PWWP3A: variants seen among roughly 807,000 people sequenced by gnomAD.
PWWP3A encodes the protein PWWP domain-containing DNA repair factor 3A.
PWWP3A carries 53 observed loss-of-function variants against 79.0 expected under a neutral mutation model. The ratio of observed to expected loss-of-function variants is 0.67; its 90% CI spans 0.54 to 0.84. The LOEUF (loss-of-function observed/expected upper bound fraction) is 0.84. Among genes scored for constraint, PWWP3A ranks in the 40% least tolerant of loss-of-function variants. PWWP3A has a pLI of 0.00. For synonymous variants in PWWP3A, 443 were observed against 394.4 expected (o/e 1.12, Z -1.46); for missense variants, 973 against 948.0 (o/e 1.03, Z -0.35).
rs1431978944 is a variant in PWWP3A, at chr19:1,372,159, A to G, written c.1987-913A>G. ...AGTGTGTGTCTCTAAAAGGAGGGTG[A>G]TTCTGCCCCCTGGGGGACACTGGCA... On this transcript the variant is annotated intron_variant, in intron 12 of 13. Transcript: ENST00000591337. 2.6e-5 allele frequency: 4 copies of G among 152,180 alleles called. No homozygotes were observed. In the East Asian group the frequency reaches 7.7e-4, roughly 29 times the overall value. The allele number at this position is 152,180 out of a possible 1,614,324, so 9.4% of individuals were successfully genotyped here. A position where few individuals can be genotyped will look rare whatever the true frequency, so the allele number is the denominator to read the frequency against.
Position 1,360,778 on chromosome 19 carries a change from CT to C in PWWP3A, c.858del (p.Glu287SerfsTer51). ...GGCAGCCTCACTGCGCCCCCAGCCC[CT>C]GAGCCCTCGGCCTGCTCAGAGCCTG... ...PLGSLTAPPA[P>X]EPSACSEPGE... On this transcript the variant is annotated frameshift_variant, in exon 5 of 14. Transcript: ENST00000591337. LOFTEE classifies it high-confidence loss of function. This position sits in a 1 kb window ranked among gnomAD's most constrained non-coding sequence, Gnocchi z 4.4. 6.2e-7 allele frequency: 1 copy of C among 1,609,532 alleles called. No homozygotes were observed. The highest frequency in any genetic ancestry group is 8.5e-7 in the Non-Finnish European group (1 of 1,178,078).
At chr19:1,374,559 G>A (rs1303675944) in intron 13 of PWWP3A, among the ~76,000 whole-genome samples, 4 of 152,080 alleles carry the variant, frequency 2.6e-5, no homozygotes, top group African/African-American at 9.7e-5. Flanking sequence ...CTGGTGCTGC[G>A]GCCGGTGTGC....
At chr19:1,376,477 A>T in intron 13 of PWWP3A, 42 bp from the exon 14 acceptor site, 2 of 1,600,386 alleles carry the variant, frequency 1.2e-6, no homozygotes, top group South Asian at 1.1e-5. Flanking sequence ...TCTTTAACAC[A>T]CAATGATTAA....
intron 7 of PWWP3A, 147 bp from the exon 8 acceptor site, chr19:1,366,158 A>G (rs1046265392): frequency 2.3e-5 from 17 of 752,858 alleles, no homozygotes; most frequent in Non-Finnish European, 2.9e-5. Context: ...GCCGTTTCTC[A>G]GCGCCTCCTT....
In PWWP3A at chr19:1,367,314, G is replaced by T. The variant is rs1426481949; in HGVS notation, c.1422+94G>T. ...TGTAGCTCTTGAAATCCATGGCTGC[G>T]GTGTACGCGTGTGAATGATTGTGGG... On this transcript the variant is annotated intron_variant, in intron 9 of 13. Coordinates refer to ENST00000591337, the MANE Select transcript of PWWP3A (RefSeq NM_001369789.1). 3 of 1,078,128 alleles carry T rather than the reference G, an allele frequency of 2.8e-6. No homozygotes were observed. In the African/African-American group the frequency reaches 4.7e-5, roughly 17 times the overall value. The allele number at this position is 1,078,128 out of a possible 1,614,324, so 66.8% of individuals were successfully genotyped here. A position where few individuals can be genotyped will look rare whatever the true frequency, so the allele number is the denominator to read the frequency against.
chr19:1,361,150 A>G, intron 5 of PWWP3A, 118 bp downstream of exon 5: 1 of 1,037,894 alleles, frequency 9.6e-7, no homozygotes, highest in South Asian at 2.9e-5. Context: ...TCGTTGCCAA[A>G]ATAGACTTAG....
chr19:1,366,838 A>G (rs1004717052), intron 8 of PWWP3A, among the ~76,000 whole-genome samples: 7 of 152,372 alleles, frequency 4.6e-5, no homozygotes, highest in African/African-American at 1.7e-4. Flanking sequence ...ATCGCATTGC[A>G]TATCCCCAAG....
intron 1 of PWWP3A, 79 bp from the exon 2 acceptor site, chr19:1,356,245 C>A: frequency 7.0e-6 from 5 of 717,942 alleles, no homozygotes; most frequent in Non-Finnish European, 1.2e-5. Flanking sequence ...GTCGAGCTAA[C>A]CTTTGCCCCT....
intron 4 of PWWP3A, chr19:1,358,792 T>C (rs887370273): frequency 5.5e-6 from 4 of 723,854 alleles, no homozygotes; most frequent in African/African-American, 5.3e-5. Context: ...TCCTCCTTTT[T>C]CCTTTCCTCT....
chr19:1,365,858 C>T (rs568119967), intron 7 of PWWP3A, among the ~76,000 whole-genome samples: 15 of 152,326 alleles, frequency 9.8e-5, no homozygotes, highest in African/African-American at 3.6e-4. Flanking sequence ...ACGGTGGCCC[C>T]GGGAGGCCAG....
At chr19:1,374,900 C>T (rs995157775) in intron 13 of PWWP3A, among the ~76,000 whole-genome samples, 7 of 152,038 alleles carry the variant, frequency 4.6e-5, no homozygotes, top group Admixed American at 3.3e-4. Context: ...GAGCAACACC[C>T]TGTCTCTAAA....
intron 1 of PWWP3A, 116 bp from the exon 2 acceptor site, chr19:1,356,208 G>A: frequency 1.7e-6 from 1 of 590,218 alleles, no homozygotes; most frequent in Admixed American, 2.4e-5. Flanking sequence ...GCAAGATTGT[G>A]GAATTAAACC....
intron 1 of PWWP3A, among the ~76,000 whole-genome samples, chr19:1,355,700 C>A (rs1050860687): frequency 2.6e-5 from 4 of 151,724 alleles, no homozygotes; most frequent in Non-Finnish European, 4.4e-5. Context: ...CTGTGATCCC[C>A]TCTCTTGCTG....
chr19:1,360,444 GACC>G lies in PWWP3A; in HGVS notation c.526_528del (p.His176del). On this transcript the variant is annotated inframe_deletion, in exon 5 of 14. Coordinates refer to ENST00000591337, the MANE Select transcript of PWWP3A (RefSeq NM_001369789.1). This position sits in a 1 kb window ranked among gnomAD's most constrained non-coding sequence, Gnocchi z 4.4. Reference sequence around the variant, plus strand: ...TGAAAAGGACCCCGAGTGCAAAGTGGACCACAAGAAGGGGCTCAGGAAAAGTGA... The same window carrying G: ...TGAAAAGGACCCCGAGTGCAAAGTGGACAAGAAGGGGCTCAGGAAAAGTGA... 6.2e-7 allele frequency: 1 copy of G among 1,614,144 alleles called. No homozygotes were observed. Among genetic ancestry groups the G allele is most frequent in the African/African-American group, 1.3e-5 (1 of 75,040 alleles).
At position 1,366,372 on chromosome 19, in the gene PWWP3A, A is replaced by C. The variant is rs2082128716; in HGVS notation, c.1352A>C (p.Lys451Thr). Residue 451 changes from lysine (K) to threonine (T), a missense_variant, in exon 8 of 14, where the codon AAA becomes ACA. Lys to Thr is a moderately conservative substitution (Grantham distance 78, BLOSUM62 -1). Coordinates refer to ENST00000591337, the MANE Select transcript of PWWP3A (RefSeq NM_001369789.1). ...VLYIEGHMNP[K>T]MKGFTVSLKS... ...TACATCGAAGGACACATGAACCCGA[A>C]AATGAAAGGGTAACCCGCTGTTCTT... 6.2e-7 allele frequency: 1 copy of C among 1,614,198 alleles called. No individual in the cohort carries two copies. Among genetic ancestry groups the C allele is most frequent in the Non-Finnish European group, 8.5e-7 (1 of 1,179,986 alleles).
intron 3 of PWWP3A, chr19:1,357,332 CA>C (rs1338843687): frequency 5.3e-6 from 2 of 379,286 alleles, no homozygotes; most frequent in Non-Finnish European, 9.6e-6. Flanking sequence ...GAGATTGGTA[CA>C]AACACTGAAT....
At position 1,364,505 on chromosome 19, in the gene PWWP3A, C is replaced by G. The variant is rs772432964; in HGVS notation, c.1214-4C>G. 1 of 1,581,774 alleles carries G rather than the reference C, an allele frequency of 6.3e-7. No individual in the cohort carries two copies. Among genetic ancestry groups the G allele is most frequent in the Admixed American group, 1.9e-5 (1 of 52,704 alleles). ...TTTTGTTTTTCTTTTTTCTTTAATT[C>G]TAGAACCACGTTCGTTTGAAGTAGG... On this transcript the variant is annotated splice_region_variant and splice_polypyrimidine_tract_variant and intron_variant, in intron 6 of 13. Transcript: ENST00000591337.
chr19:1,356,621 G>C (rs1568923778), intron 2 of PWWP3A, among the ~76,000 whole-genome samples, 172 bp downstream of exon 2: 1 of 149,850 alleles, frequency 6.7e-6, no homozygotes, highest in Non-Finnish European at 1.5e-5. Flanking sequence ...TGCTTCCAAG[G>C]TTACACTTCC....
In PWWP3A at chr19:1,360,674, A is replaced by G. The variant is rs375012636; in HGVS notation, c.753A>G (p.Ala251=). ...RDMGSKGGSW[A]APSLPSGVRE... The stretch of plus-strand genomic sequence containing the variant: ...TGGGGAGCAAAGGAGGCAGCTGGGC[A>G]GCCCCGTCCTTGCCCTCCGGGGTCA... Residue 251 remains alanine (A), a synonymous_variant, in exon 5 of 14, where the codon GCA becomes GCG. Coordinates refer to ENST00000591337, the MANE Select transcript of PWWP3A (RefSeq NM_001369789.1). This position sits in a 1 kb window ranked among gnomAD's most constrained non-coding sequence, Gnocchi z 4.4. The G allele has an allele frequency of 9.9e-6, 16 of 1,613,216 alleles. No individual in the cohort carries two copies. The Middle Eastern group carries it at 6.6e-4, about 67-fold the overall frequency.
Sources: allele counts gnomAD v4.1 joint callset (sites outside exome capture counted in the v4.1 genomes callset), GRCh38; gene constraint gnomAD v4.1.1; non-coding constraint Gnocchi (gnomAD v3.1); transcripts MANE v1.5; gene names NCBI Gene and HGNC (gene_info 2026-07-23, HGNC 2026-07-21).